The following LRRC4C variants were observed in gnomAD, a reference collection of about 807,000 sequenced individuals.
LRRC4C encodes leucine-rich repeat-containing protein 4C.
In LRRC4C, 5 loss-of-function variants were observed where a neutral mutation model predicts 33.6. That is an observed-to-expected ratio of 0.15 (90% confidence interval 0.08 to 0.31). The LOEUF (loss-of-function observed/expected upper bound fraction) is 0.31. LRRC4C is among the 10% of genes least tolerant of loss of function. LRRC4C has a pLI of 1.00. For synonymous variants in LRRC4C, 329 were observed against 302.0 expected (o/e 1.09, Z -0.93); for missense variants, 560 against 796.7 (o/e 0.70, Z 3.58).
At chr11:40,262,425 G>A (rs543881320) in intron 4 of LRRC4C, among the ~76,000 whole-genome samples, 10 of 152,116 alleles carry the variant, frequency 6.6e-5, no homozygotes, top group African/African-American at 9.7e-5. Context: ...ACAGTGTGGC[G>A]ATTCCTCAAG....
chr11:40,676,789 A>G (rs1944427302), intron 2 of LRRC4C, among the ~76,000 whole-genome samples: 1 of 152,234 alleles, frequency 6.6e-6, no homozygotes, highest in African/African-American at 2.4e-5. Context: ...AGGCCAAATA[A>G]TTAACAAACT....
At chr11:40,208,533 TGAAAACAAGCAGG>T (rs1238444292) in intron 5 of LRRC4C, among the ~76,000 whole-genome samples, 1 of 151,706 alleles carries the variant, frequency 6.6e-6, no homozygotes, top group Non-Finnish European at 1.5e-5. Context: ...AATTCTAAAT[TGAAAACAAGCAGG>T]GAAAACAAGC....
chr11:40,720,671 G>C (rs926992582), intron 2 of LRRC4C, among the ~76,000 whole-genome samples: 1 of 152,280 alleles, frequency 6.6e-6, no homozygotes, highest in African/African-American at 2.4e-5. Flanking sequence ...TGAAGAAAGT[G>C]ATAATCTTGT....
intron 1 of LRRC4C, among the ~76,000 whole-genome samples, chr11:41,447,574 T>C (rs1202222695): frequency 6.6e-6 from 1 of 152,222 alleles, no homozygotes; most frequent in African/African-American, 2.4e-5. Context: ...TCCTACCTTC[T>C]GAGAATATGT....
At chr11:41,364,019 A>C (rs1952446821) in intron 1 of LRRC4C, among the ~76,000 whole-genome samples, 1 of 152,164 alleles carries the variant, frequency 6.6e-6, no homozygotes, top group Non-Finnish European at 1.5e-5. Flanking sequence ...TGAAAATAAA[A>C]GTTCCAACAC....
intron 2 of LRRC4C, among the ~76,000 whole-genome samples, chr11:40,790,944 C>A (rs1302480105): frequency 6.6e-6 from 1 of 152,148 alleles, no homozygotes; most frequent in African/African-American, 2.4e-5. Flanking sequence ...CATTGATACT[C>A]CTTAGAATTG....
intron 3 of LRRC4C, among the ~76,000 whole-genome samples, chr11:40,583,800 C>T (rs1958581961): frequency 6.6e-6 from 1 of 151,740 alleles, no homozygotes; most frequent in Admixed American, 6.6e-5. Context: ...ACTTCAGTCC[C>T]ACTTTTTCTC....
At chr11:40,448,037 G>A (rs767398325) in intron 3 of LRRC4C, among the ~76,000 whole-genome samples, 13 of 151,890 alleles carry the variant, frequency 8.6e-5, no homozygotes, top group Admixed American at 4.6e-4. Flanking sequence ...AGCTGGTCTC[G>A]AACTCCTGAC....
chr11:40,717,538 G>C (rs1232290391), intron 2 of LRRC4C, among the ~76,000 whole-genome samples: 1 of 151,916 alleles, frequency 6.6e-6, no homozygotes, highest in East Asian at 1.9e-4. Flanking sequence ...TGTTTTAGAG[G>C]GTTGAAAATA....
rs35798156 is a variant in LRRC4C, at chr11:40,561,473, C to G, written c.-270+86669G>C. Among the ~76,000 whole-genome samples, 5 of 133,024 alleles carry G rather than the reference C, an allele frequency of 3.8e-5. 1 individual carries two copies. The highest frequency in any genetic ancestry group is 7.7e-5 in the Non-Finnish European group (5 of 65,352). 87.3% of individuals were successfully genotyped at this position (133,024 alleles called of 152,430 possible). ...TGTTGCCCAGGCTGGATTGTAGTGGCGCAATCTCTGCTCACTGCAAGCTCT... is the reference window on the plus strand; with the variant it reads ...TGTTGCCCAGGCTGGATTGTAGTGGGGCAATCTCTGCTCACTGCAAGCTCT... On this transcript the variant is annotated intron_variant, in intron 3 of 6. Transcript: ENST00000528697.
intron 3 of LRRC4C, among the ~76,000 whole-genome samples, chr11:40,558,771 TG>T (rs1353221597): frequency 6.6e-6 from 1 of 152,168 alleles, no homozygotes; most frequent in Non-Finnish European, 1.5e-5. Flanking sequence ...ACACGTGTCA[TG>T]GGGGTTTGTT....
chr11:40,497,599 G>T (rs111369079), intron 3 of LRRC4C, among the ~76,000 whole-genome samples: 1 of 152,112 alleles, frequency 6.6e-6, no homozygotes, highest in Non-Finnish European at 1.5e-5. Context: ...ATGTGACCAT[G>T]CTACACCTTC....
chr11:41,116,818 C>CTA (rs1323072127), intron 1 of LRRC4C, among the ~76,000 whole-genome samples: 1 of 152,050 alleles, frequency 6.6e-6, no homozygotes, highest in Non-Finnish European at 1.5e-5. Flanking sequence ...TTAACAAAAG[C>CTA]TATAAGTACA....
intron 2 of LRRC4C, among the ~76,000 whole-genome samples, chr11:40,653,357 C>A (rs1455004950): frequency 6.6e-6 from 1 of 152,094 alleles, no homozygotes; most frequent in East Asian, 1.9e-4. Flanking sequence ...CAATGAAGAC[C>A]AGGTTGAGGT....
intron 2 of LRRC4C, among the ~76,000 whole-genome samples, chr11:40,700,777 C>G (rs887851761): frequency 6.6e-5 from 10 of 152,250 alleles, no homozygotes; most frequent in African/African-American, 2.2e-4. Flanking sequence ...TAACAAAAAT[C>G]TTTGACACCT....
chr11:40,779,837 T>C (rs1950145866), intron 2 of LRRC4C, among the ~76,000 whole-genome samples: 1 of 152,094 alleles, frequency 6.6e-6, no homozygotes. Context: ...CATTGTGGAG[T>C]GGCTACCTGT....
chr11:41,218,243 A>G (rs909012888), intron 1 of LRRC4C, among the ~76,000 whole-genome samples: 5 of 152,188 alleles, frequency 3.3e-5, no homozygotes, highest in African/African-American at 7.2e-5. Flanking sequence ...CCACTGCAAA[A>G]ATAAGTGAAC....
chr11:41,060,120 C>T (rs967897956), intron 1 of LRRC4C, among the ~76,000 whole-genome samples: 1 of 152,138 alleles, frequency 6.6e-6, no homozygotes, highest in Non-Finnish European at 1.5e-5. Context: ...TTTGAGATGC[C>T]TTGTCCTGAA....
At chr11:40,500,904 G>C (rs538787951) in intron 3 of LRRC4C, among the ~76,000 whole-genome samples, 14 of 152,214 alleles carry the variant, frequency 9.2e-5, no homozygotes, top group Admixed American at 2.0e-4. Context: ...ATCCAAGATA[G>C]TTAACTCCCT....
Sources: allele counts gnomAD v4.1 joint callset (sites outside exome capture counted in the v4.1 genomes callset), GRCh38; gene constraint gnomAD v4.1.1; transcripts MANE v1.5; gene names NCBI Gene and HGNC (gene_info 2026-07-23, HGNC 2026-07-21).